The following DTX2 variants were observed in gnomAD, a reference collection of about 807,000 sequenced individuals.
DTX2 encodes the protein probable E3 ubiquitin-protein ligase DTX2.
In DTX2, 29 loss-of-function variants were observed where a neutral mutation model predicts 55.3. That is an observed-to-expected ratio of 0.52 (90% confidence interval 0.39 to 0.71). DTX2 has a LOEUF of 0.71. DTX2 is among the 30% of genes least tolerant of loss of function. The pLI, the probability that DTX2 is intolerant of heterozygous loss-of-function variation, is 0.00. For missense variants in DTX2, 537 were observed against 822.5 expected (o/e 0.65, Z 4.25); for synonymous variants, 276 against 340.4 (o/e 0.81, Z 2.08).
chr7:76,464,537 T>C (rs1301981878), intron 2 of DTX2, among the ~76,000 whole-genome samples: 1 of 150,660 alleles, frequency 6.6e-6, no homozygotes, highest in African/African-American at 2.5e-5. Context: ...GGCTCTGGGG[T>C]AGCTGAGGTG....
At chr7:76,481,582 A>T (rs1809220753) in intron 3 of DTX2, among the ~76,000 whole-genome samples, 1 of 151,342 alleles carries the variant, frequency 6.6e-6, no homozygotes, top group African/African-American at 2.4e-5. Flanking sequence ...ACTGGGGGTG[A>T]TTTTGTCCCC....
chr7:76,471,896 G>A (rs1261061036), intron 2 of DTX2, among the ~76,000 whole-genome samples: 1 of 150,968 alleles, frequency 6.6e-6, no homozygotes, highest in Non-Finnish European at 1.5e-5. Context: ...ACTGGGGCCG[G>A]CACCATGGGT....
At chr7:76,498,343 C>T (rs1455214770) in intron 6 of DTX2, among the ~76,000 whole-genome samples, 23 of 151,500 alleles carry the variant, frequency 1.5e-4, no homozygotes, top group African/African-American at 4.8e-4. Context: ...AGGGGTGGGC[C>T]TCGAGCTCCT....
At chr7:76,486,787 G>T (rs1809948104) in intron 4 of DTX2, among the ~76,000 whole-genome samples, 1 of 140,486 alleles carries the variant, frequency 7.1e-6, no homozygotes, top group African/African-American at 2.6e-5. Context: ...GCTCTGTGCT[G>T]AATGGCTCAG....
chr7:76,471,419 C>G (rs1807898465), intron 2 of DTX2, among the ~76,000 whole-genome samples: 1 of 150,832 alleles, frequency 6.6e-6, no homozygotes, highest in Non-Finnish European at 1.5e-5. Flanking sequence ...CCTTGGCCTC[C>G]CAAAGTGCTG....
At chr7:76,480,817 C>A in intron 3 of DTX2, 40 bp downstream of exon 3, 3 of 1,534,882 alleles carry the variant, frequency 2.0e-6, no homozygotes, top group Non-Finnish European at 2.6e-6. Context: ...CTGGGTGCCG[C>A]ACCTGCTTTC....
At chr7:76,489,799 G>A (rs1810232129) in intron 4 of DTX2, among the ~76,000 whole-genome samples, 1 of 128,504 alleles carries the variant, frequency 7.8e-6, no homozygotes, top group African/African-American at 2.8e-5. Flanking sequence ...CTCCAGCCTG[G>A]GCCACAGAAC....
chr7:76,473,565 G>A (rs1808180128), intron 2 of DTX2, among the ~76,000 whole-genome samples: 1 of 105,354 alleles, frequency 9.5e-6, no homozygotes, highest in South Asian at 4.0e-4. Context: ...AGCACTTGAG[G>A]AGACCGAGAT....
Position 76,483,301 on chromosome 7 carries a change from G to A in DTX2, c.908+154G>A, listed in dbSNP as rs886818009. ...TGTGGCATGTGGGTGCCGAGGTGCCGTGGCCATCCAGAGCCTACCTGACCC... is the reference window on the plus strand; with the variant it reads ...TGTGGCATGTGGGTGCCGAGGTGCCATGGCCATCCAGAGCCTACCTGACCC... On this transcript the variant is annotated intron_variant, in intron 4 of 10. Transcript: ENST00000430490. Among the ~76,000 whole-genome samples, 37 of 152,322 alleles carry A rather than the reference G, an allele frequency of 2.4e-4. 1 individual carries two copies. The highest frequency in any genetic ancestry group is 7.0e-4 in the African/African-American group (29 of 41,584).
chr7:76,502,596 G>T, intron 8 of DTX2, 140 bp downstream of exon 8: 1 of 979,076 alleles, frequency 1.0e-6, no homozygotes, highest in African/African-American at 1.6e-5. Flanking sequence ...GGGCCAGCTT[G>T]AAGACCTTTC....
chr7:76,480,467 G>A lies in DTX2; in HGVS notation c.-43G>A, dbSNP rs1249851014. 1 of 1,523,576 alleles carries A rather than the reference G, an allele frequency of 6.6e-7. No individual in the cohort carries two copies. The highest frequency in any genetic ancestry group is 2.3e-5 in the East Asian group (1 of 44,080). 94.4% of individuals were successfully genotyped at this position (1,523,576 alleles called of 1,614,324 possible). On this transcript the variant is annotated 5_prime_UTR_variant, in exon 3 of 11. Coordinates refer to ENST00000430490, the MANE Select transcript of DTX2 (RefSeq NM_001102594.3). ...ATGACCCCGGGACTCCAGGCCAGAG[G>A]GGTCTGAAGCTGTTTGGGAAAGCAG... is the stretch of plus-strand genomic sequence containing the variant.
intron 5 of DTX2, among the ~76,000 whole-genome samples, chr7:76,493,225 A>AT (rs1335645015): frequency 1.2e-4 from 7 of 60,192 alleles, no homozygotes; most frequent in African/African-American, 2.0e-4. Flanking sequence ...GTGCCTGGCC[A>AT]TTTTTTTTTT....
chr7:76,482,346 G>C (rs1809323242), intron 3 of DTX2, among the ~76,000 whole-genome samples, 162 bp from the exon 4 acceptor site: 1 of 151,860 alleles, frequency 6.6e-6, no homozygotes, highest in African/African-American at 2.4e-5. Flanking sequence ...GGCGACAAAG[G>C]GGTACCCTGC....
At position 76,505,346 on chromosome 7, in the gene DTX2, C is replaced by T. The variant is rs764238019; in HGVS notation, c.1642-28C>T. On this transcript the variant is annotated intron_variant, in intron 10 of 10. Coordinates refer to ENST00000430490, the MANE Select transcript of DTX2 (RefSeq NM_001102594.3). The surrounding 1 kb of genome is among the most constrained non-coding windows in gnomAD (Gnocchi z 4.4). ...CCCTCTCACTCTCCGTCCCCTCCTTCCTCTTCCCCCTCCTCCTCCCCGGGC... is the reference window on the plus strand; with the variant it reads ...CCCTCTCACTCTCCGTCCCCTCCTTTCTCTTCCCCCTCCTCCTCCCCGGGC... 3.2e-6 allele frequency: 5 copies of T among 1,542,280 alleles called. No individual in the cohort carries two copies. Among genetic ancestry groups the T allele is most frequent in the Admixed American group, 1.9e-5 (1 of 51,288 alleles).
At chr7:76,468,216 C>T (rs1294162075) in intron 2 of DTX2, among the ~76,000 whole-genome samples, 2 of 152,240 alleles carry the variant, frequency 1.3e-5, no homozygotes, top group Admixed American at 6.5e-5. Flanking sequence ...CTGTTGGATG[C>T]TGTATTTCAC....
intron 8 of DTX2, chr7:76,502,742 C>G: frequency 2.0e-6 from 1 of 491,912 alleles, no homozygotes; most frequent in South Asian, 3.6e-5. Context: ...TCTCTGAGCC[C>G]CAGGGCACCG....
At chr7:76,499,847 C>T in intron 6 of DTX2, 1 of 253,558 alleles carries the variant, frequency 3.9e-6, no homozygotes, top group South Asian at 3.6e-5. Context: ...GCTCCTGCCA[C>T]GTCTTGGCCC....
intron 5 of DTX2, among the ~76,000 whole-genome samples, chr7:76,495,811 G>A (rs1328174738): frequency 5.3e-5 from 8 of 151,754 alleles, no homozygotes; most frequent in African/African-American, 1.7e-4. Context: ...GACAGGCCCC[G>A]TCAGGCAGTG....
chr7:76,502,525 G>A (rs1044800041), intron 8 of DTX2, 69 bp downstream of exon 8: 39 of 1,540,482 alleles, frequency 2.5e-5, no homozygotes, highest in Admixed American at 7.8e-5. Context: ...CCCTGCAGGG[G>A]CGGGAGGGTT....
Sources: gnomAD v4.1 joint callset for allele counts (sites outside exome capture counted in the v4.1 genomes callset) on GRCh38, gnomAD v4.1.1 for gene constraint, Gnocchi (gnomAD v3.1) non-coding constraint, MANE v1.5 for transcripts, NCBI Gene and HGNC (gene_info 2026-07-23, HGNC 2026-07-21) for gene names.